Variants in CCSER1 observed in about 807,000 individuals in gnomAD.
The protein encoded by CCSER1 is coiled-coil serine rich protein 1.
Under a neutral mutation model 82.0 loss-of-function variants are expected in CCSER1, and 41 were observed. The ratio of observed to expected loss-of-function variants is 0.50; its 90% CI spans 0.39 to 0.65. The LOEUF (loss-of-function observed/expected upper bound fraction) is 0.65. Ranked by LOEUF, CCSER1 falls within the 30% of genes least tolerant of loss-of-function variation. CCSER1 has a pLI of 0.00. For missense variants in CCSER1, 1,119 were observed against 1,064.2 expected, an observed-to-expected ratio of 1.05 and a Z score of -0.72; for synonymous variants, 414 against 383.9, an observed-to-expected ratio of 1.08 and a Z score of -0.92.
chr4:90,467,621 T>TGC (rs1225974887), intron 4 of CCSER1, among the ~76,000 whole-genome samples: 1 of 151,818 alleles, frequency 6.6e-6, no homozygotes, highest in Non-Finnish European at 1.5e-5. Context: ...AGGCGGAGGT[T>TGC]GCAGTGAGCC....
intron 3 of CCSER1, among the ~76,000 whole-genome samples, chr4:90,353,534 AG>A (rs1743877813): frequency 6.6e-6 from 1 of 152,178 alleles, no homozygotes; most frequent in Non-Finnish European, 1.5e-5. Flanking sequence ...AGATGGTAAG[AG>A]GAATGAAAAT....
intron 10 of CCSER1, among the ~76,000 whole-genome samples, chr4:91,592,631 A>T (rs1394205130): frequency 6.6e-6 from 1 of 152,136 alleles, no homozygotes; most frequent in Non-Finnish European, 1.5e-5. Flanking sequence ...CTTTAACATA[A>T]TTTAATATTT....
chr4:91,509,998 C>T (rs550500047), intron 10 of CCSER1, among the ~76,000 whole-genome samples: 2 of 152,086 alleles, frequency 1.3e-5, no homozygotes, highest in African/African-American at 2.4e-5. Context: ...CAACCCATTG[C>T]CCCCTCTCTC....
At chr4:91,256,659 G>T (rs977527340) in intron 10 of CCSER1, among the ~76,000 whole-genome samples, 1 of 152,086 alleles carries the variant, frequency 6.6e-6, no homozygotes, top group African/African-American at 2.4e-5. Context: ...ATTAGGGGCT[G>T]GTTCCCCTGA....
chr4:91,303,631 T>G (rs982696324), intron 10 of CCSER1, among the ~76,000 whole-genome samples: 5 of 151,524 alleles, frequency 3.3e-5, no homozygotes, highest in African/African-American at 1.2e-4. Flanking sequence ...ACAAAAAGAA[T>G]AATAATAATA....
At chr4:90,703,670 A>C (rs193255411) in intron 6 of CCSER1, among the ~76,000 whole-genome samples, 1,565 of 152,254 alleles carry the variant, frequency 0.01, 9 homozygotes, top group Middle Eastern at 0.031. Flanking sequence ...TATTGGGTTC[A>C]TATGTATTTA....
At chr4:90,718,661 A>G (rs1161770021) in intron 6 of CCSER1, among the ~76,000 whole-genome samples, 2 of 152,156 alleles carry the variant, frequency 1.3e-5, no homozygotes, top group African/African-American at 4.8e-5. Context: ...GATCTGTCAA[A>G]ATTTACTTTG....
chr4:91,598,475 G>A (rs1578892319), intron 10 of CCSER1, 97 bp from the exon 11 acceptor site: 5 of 1,246,274 alleles, frequency 4.0e-6, no homozygotes, highest in African/African-American at 3.0e-5. Flanking sequence ...GAAAATTTAC[G>A]GGTTCAGACA....
chr4:91,165,472 C>T (rs1184650084), intron 10 of CCSER1, among the ~76,000 whole-genome samples: 1 of 152,202 alleles, frequency 6.6e-6, no homozygotes, highest in Non-Finnish European at 1.5e-5. Context: ...AACTGTCAGA[C>T]AGGGACGTTT....
rs184264531 is a variant in CCSER1 at position 90,809,610 on chromosome 4, T to C, written c.2011-6152T>C. Among the ~76,000 whole-genome samples the C allele has an allele frequency of 1.3e-4, 20 of 152,130 alleles. No individual in the cohort carries two copies. In the South Asian group the frequency reaches 2.9e-3, roughly 22 times the overall value. The stretch of plus-strand genomic sequence containing the variant: ...TACACTATTTAAGTGATAAGTACAC[T>C]AAAATCCTAGACTTCACCACTATAC... On this transcript the variant is annotated intron_variant, in intron 7 of 10. Transcript: ENST00000509176.
At chr4:90,548,549 G>A (rs1560700372) in intron 5 of CCSER1, among the ~76,000 whole-genome samples, 1 of 151,994 alleles carries the variant, frequency 6.6e-6, no homozygotes, top group Non-Finnish European at 1.5e-5. Context: ...TCGTGAAGGT[G>A]CCTAGAAACT....
chr4:90,269,231 A>C (rs1055196349), intron 1 of CCSER1, among the ~76,000 whole-genome samples: 5 of 152,162 alleles, frequency 3.3e-5, no homozygotes, highest in Non-Finnish European at 7.4e-5. Flanking sequence ...TGCAGAGTAC[A>C]TAGTCTTCTC....
chr4:91,329,498 G>A (rs78840166), intron 10 of CCSER1, among the ~76,000 whole-genome samples: 13,775 of 152,182 alleles, frequency 0.091, 964 homozygotes, highest in East Asian at 0.19. Flanking sequence ...TAGTCATGTT[G>A]GGATCCCATG....
rs546099407 is a variant in CCSER1 at position 91,471,125 on chromosome 4, C to T, written c.2218-127447C>T. On this transcript the variant is annotated intron_variant, in intron 10 of 10. Transcript: ENST00000509176. ...TCGTATCTTTATTTTAATATTTTGT[C>T]CAGTTCAACAATATTTGCTTCAGAG... Among the ~76,000 whole-genome samples, 253 of 152,120 alleles carry T rather than the reference C, an allele frequency of 1.7e-3. 1 individual carries two copies. The highest frequency in any genetic ancestry group is 5.8e-3 in the African/African-American group (240 of 41,492).
At chr4:90,313,142 G>A (rs1258297248) in intron 3 of CCSER1, 95 bp downstream of exon 3, 2 of 1,022,578 alleles carry the variant, frequency 2.0e-6, no homozygotes, top group Non-Finnish European at 2.9e-6. Context: ...CTACAGGATA[G>A]ACACCTCATA....
At chr4:91,514,614 G>T (rs1408138554) in intron 10 of CCSER1, among the ~76,000 whole-genome samples, 2 of 119,544 alleles carry the variant, frequency 1.7e-5, no homozygotes, top group Non-Finnish European at 3.8e-5. Context: ...TTTGTTTTAT[G>T]AATCTGGGTT....
intron 5 of CCSER1, among the ~76,000 whole-genome samples, chr4:90,594,191 T>G (rs893247528): frequency 6.6e-6 from 1 of 152,054 alleles, no homozygotes; most frequent in Non-Finnish European, 1.5e-5. Flanking sequence ...AGATGTTTTA[T>G]TTTCTCTTTT....
Position 91,390,218 on chromosome 4 carries a change from TAA to T in CCSER1, c.2218-208353_2218-208352del, listed in dbSNP as rs1000105060. Among the ~76,000 whole-genome samples the T allele has an allele frequency of 4.6e-5, 7 of 152,028 alleles. No homozygotes were observed. In the South Asian group the frequency reaches 6.2e-4, roughly 13 times the overall value. ...GGAAGTTTTCCTATTGCTTTTTTGA[TAA>T]GAGTTTTTTTTAAATTTTATTTTAT... On this transcript the variant is annotated intron_variant, in intron 10 of 10. Transcript: ENST00000509176.
rs183508292 is a variant in CCSER1, at chr4:90,189,524, G to A, written c.-42+61693G>A. Reference sequence around the variant, plus strand: ...TGTATATATGTATATATAGATGTGTGTATGTATGTATATATATAGATGTGT... The same window carrying A: ...TGTATATATGTATATATAGATGTGTATATGTATGTATATATATAGATGTGT... On this transcript the variant is annotated intron_variant, in intron 1 of 10. Transcript: ENST00000509176. 4.6e-5 allele frequency among the ~76,000 whole-genome samples: 7 copies of A among 151,808 alleles called. No individual in the cohort carries two copies. The East Asian group carries it at 1.2e-3, about 25-fold the overall frequency.
Sources: allele counts gnomAD v4.1 joint callset (sites outside exome capture counted in the v4.1 genomes callset), GRCh38; gene constraint gnomAD v4.1.1; transcripts MANE v1.5; gene names NCBI Gene and HGNC (gene_info 2026-07-23, HGNC 2026-07-21).